ZBTB20: variants seen among roughly 807,000 people sequenced by gnomAD.
The protein encoded by ZBTB20 is zinc finger and BTB domain containing 20.
In ZBTB20, 9 loss-of-function variants were observed where a neutral mutation model predicts 56.9. The ratio of observed to expected loss-of-function variants is 0.16; its 90% CI spans 0.10 to 0.28. ZBTB20 has a LOEUF of 0.28. Ranked by LOEUF, ZBTB20 falls within the 10% of genes least tolerant of loss-of-function variation. The pLI is 1.00. For synonymous variants in ZBTB20, 417 were observed against 420.7 expected (o/e 0.99, Z 0.11); for missense variants, 655 against 1,003.0 (o/e 0.65, Z 4.69).
At chr3:115,006,640 T>C (rs1458819904) in intron 2 of ZBTB20, among the ~76,000 whole-genome samples, 4 of 151,614 alleles carry the variant, frequency 2.6e-5, no homozygotes, top group African/African-American at 7.3e-5. Flanking sequence ...CATATAACCG[T>C]AGCAAAATGG....
intron 3 of ZBTB20, among the ~76,000 whole-genome samples, chr3:114,952,028 A>G (rs1355189195): frequency 2.6e-5 from 4 of 152,150 alleles, no homozygotes; most frequent in Admixed American, 2.0e-4. Flanking sequence ...AAATTATGCA[A>G]TATGAGCAAT....
intron 5 of ZBTB20, among the ~76,000 whole-genome samples, chr3:114,736,812 C>T (rs948728556): frequency 2.0e-5 from 3 of 152,032 alleles, no homozygotes; most frequent in Non-Finnish European, 4.4e-5. Flanking sequence ...ACAAGGGAAA[C>T]CCAAGCTTTA....
chr3:114,398,711 G>T (rs2086553013), intron 7 of ZBTB20, among the ~76,000 whole-genome samples: 1 of 152,118 alleles, frequency 6.6e-6, no homozygotes, highest in African/African-American at 2.4e-5. Context: ...TTAAATCATG[G>T]TAACTTGATG....
chr3:115,146,089 A>G (rs1262122351), intron 1 of ZBTB20, among the ~76,000 whole-genome samples: 1 of 152,210 alleles, frequency 6.6e-6, no homozygotes, highest in Non-Finnish European at 1.5e-5. Flanking sequence ...GCTGATTCTG[A>G]GGACAGTACT....
At chr3:114,829,168 A>G (rs567698288) in intron 4 of ZBTB20, among the ~76,000 whole-genome samples, 89 of 151,964 alleles carry the variant, frequency 5.9e-4, no homozygotes, top group South Asian at 3.9e-3. Flanking sequence ...TTCAACTTGC[A>G]AAGGACAGAG....
chr3:115,090,686 A>G (rs2083157125), intron 1 of ZBTB20, among the ~76,000 whole-genome samples: 1 of 151,856 alleles, frequency 6.6e-6, no homozygotes, highest in South Asian at 2.1e-4. Context: ...CCAATAAATA[A>G]TATTTGTATA....
intron 7 of ZBTB20, among the ~76,000 whole-genome samples, chr3:114,400,888 C>G (rs755729990): frequency 6.6e-6 from 1 of 151,996 alleles, no homozygotes; most frequent in African/African-American, 2.4e-5. Flanking sequence ...ATGGCTGTAC[C>G]GAGTCGGCAT....
At chr3:114,996,451 C>T (rs1282539285) in intron 2 of ZBTB20, among the ~76,000 whole-genome samples, 3 of 151,594 alleles carry the variant, frequency 2.0e-5, no homozygotes, top group Admixed American at 1.3e-4. Flanking sequence ...AGTGAGAACA[C>T]GTGGTGTCTG....
intron 4 of ZBTB20, among the ~76,000 whole-genome samples, chr3:114,857,149 C>A (rs1041848340): frequency 6.6e-6 from 1 of 152,146 alleles, no homozygotes; most frequent in Non-Finnish European, 1.5e-5. Context: ...TCTACTCCTA[C>A]CCCATCCTCC....
chr3:114,505,922 T>C (rs1362476175), intron 6 of ZBTB20, among the ~76,000 whole-genome samples: 3 of 152,150 alleles, frequency 2.0e-5, no homozygotes, highest in African/African-American at 7.2e-5. Context: ...TTCATGCATC[T>C]TGAATTTGGG....
At chr3:114,367,600 G>T (rs1372253068) in intron 10 of ZBTB20, among the ~76,000 whole-genome samples, 1 of 152,074 alleles carries the variant, frequency 6.6e-6, no homozygotes, top group Non-Finnish European at 1.5e-5. Flanking sequence ...AAGACAAAAA[G>T]GAACTTAACA....
At chr3:114,572,421 C>T (rs2053539998) in intron 6 of ZBTB20, among the ~76,000 whole-genome samples, 1 of 152,174 alleles carries the variant, frequency 6.6e-6, no homozygotes, top group Non-Finnish European at 1.5e-5. Context: ...TTCATTAGTT[C>T]GTTCAACAAT....
intron 4 of ZBTB20, among the ~76,000 whole-genome samples, chr3:114,853,889 T>C (rs924218330): frequency 5.9e-5 from 9 of 152,356 alleles, no homozygotes; most frequent in Admixed American, 3.3e-4. Flanking sequence ...CAATGCTTCA[T>C]TGTTTTCTAT....
intron 6 of ZBTB20, among the ~76,000 whole-genome samples, chr3:114,535,783 G>T (rs1487105819): frequency 6.6e-6 from 1 of 152,146 alleles, no homozygotes; most frequent in African/African-American, 2.4e-5. Context: ...ACAGCAAAAA[G>T]CTTATCCACC....
chr3:114,436,086 G>C (rs143636882), intron 7 of ZBTB20, among the ~76,000 whole-genome samples: 1 of 152,140 alleles, frequency 6.6e-6, no homozygotes, highest in Non-Finnish European at 1.5e-5. Flanking sequence ...CTTCCCACCC[G>C]CCAACGGTGC....
At chr3:114,866,954 C>T (rs1312715270) in intron 4 of ZBTB20, among the ~76,000 whole-genome samples, 1 of 152,130 alleles carries the variant, frequency 6.6e-6, no homozygotes, top group Non-Finnish European at 1.5e-5. Flanking sequence ...CTCTTCTATA[C>T]AGGTATACAT....
chr3:114,407,543 A>C (rs975304655), intron 7 of ZBTB20, among the ~76,000 whole-genome samples: 1 of 152,148 alleles, frequency 6.6e-6, no homozygotes, highest in African/African-American at 2.4e-5. Flanking sequence ...GAAATAGCAC[A>C]TTTTTAGGAT....
chr3:114,902,923 C>A (rs2107676129), intron 3 of ZBTB20, among the ~76,000 whole-genome samples: 1 of 152,296 alleles, frequency 6.6e-6, no homozygotes, highest in Non-Finnish European at 1.5e-5. Context: ...CATAGAGATT[C>A]TCTCAATAGC....
At chr3:114,615,809 C>T (rs947611475) in intron 6 of ZBTB20, among the ~76,000 whole-genome samples, 1 of 152,120 alleles carries the variant, frequency 6.6e-6, no homozygotes, top group African/African-American at 2.4e-5. Flanking sequence ...CTGGAGGTGG[C>T]GATTAGGACT....
Sources: allele counts gnomAD v4.1 joint callset (sites outside exome capture counted in the v4.1 genomes callset), GRCh38; gene constraint gnomAD v4.1.1; transcripts MANE v1.5; gene names NCBI Gene and HGNC (gene_info 2026-07-23, HGNC 2026-07-21).